PPFIA2: variants seen among roughly 807,000 people sequenced by gnomAD.
PPFIA2 encodes liprin-alpha-2.
A neutral mutation model predicts 175.5 loss-of-function variants in PPFIA2; 46 were observed. That is an observed-to-expected ratio of 0.26 (90% CI 0.21 to 0.34). PPFIA2 has a LOEUF of 0.34. Ranked by LOEUF, PPFIA2 falls within the 10% of genes least tolerant of loss-of-function variation. The probability of loss-of-function intolerance (pLI) is 1.00; values close to 1 mark genes in which losing one functional copy is unlikely to be tolerated. For synonymous variants in PPFIA2, 568 were observed against 511.4 expected (o/e 1.11, Z -1.49); for missense variants, 1,179 against 1,506.1 (o/e 0.78, Z 3.60).
chr12:81,417,568 T>C (rs954263608), intron 7 of PPFIA2, among the ~76,000 whole-genome samples: 2 of 151,624 alleles, frequency 1.3e-5, no homozygotes, highest in Non-Finnish European at 3.0e-5. Context: ...ATAAAAAGGA[T>C]TTATTCATTT....
chr12:81,475,237 G>C (rs1379029543), intron 4 of PPFIA2, among the ~76,000 whole-genome samples: 2 of 152,254 alleles, frequency 1.3e-5, no homozygotes, highest in Admixed American at 6.5e-5. Flanking sequence ...GCCTGAAATA[G>C]AGACTGTGTA....
At chr12:81,380,657 T>C (rs998307293) in intron 9 of PPFIA2, among the ~76,000 whole-genome samples, 1 of 152,146 alleles carries the variant, frequency 6.6e-6, no homozygotes, top group African/African-American at 2.4e-5. Flanking sequence ...CAGTTCATAG[T>C]GGAAGAAGCA....
intron 7 of PPFIA2, among the ~76,000 whole-genome samples, chr12:81,415,652 T>C (rs764214684): frequency 2.0e-5 from 3 of 150,428 alleles, no homozygotes; most frequent in Non-Finnish European, 4.5e-5. Flanking sequence ...GTAACTGGAA[T>C]GCAAAACTGT....
At chr12:81,720,421 G>C (rs1483428187) in intron 3 of PPFIA2, among the ~76,000 whole-genome samples, 1 of 151,334 alleles carries the variant, frequency 6.6e-6, no homozygotes, top group East Asian at 1.9e-4. Context: ...ACCTAAAATG[G>C]GTAGAATATA....
At chr12:81,391,859 T>G (rs934701006) in intron 8 of PPFIA2, among the ~76,000 whole-genome samples, 1 of 151,812 alleles carries the variant, frequency 6.6e-6, no homozygotes, top group Non-Finnish European at 1.5e-5. Flanking sequence ...CAAGTGGGTT[T>G]AGGATTTTCA....
chr12:81,315,582 G>C (rs1271678210), intron 22 of PPFIA2, among the ~76,000 whole-genome samples: 1 of 151,726 alleles, frequency 6.6e-6, no homozygotes, highest in African/African-American at 2.4e-5. Context: ...GCTTGAATTG[G>C]TAAGTTTGAA....
intron 3 of PPFIA2, among the ~76,000 whole-genome samples, chr12:81,736,856 C>T (rs1331271896): frequency 2.0e-5 from 3 of 151,936 alleles, no homozygotes; most frequent in Non-Finnish European, 2.9e-5. Flanking sequence ...GATTCTCTTG[C>T]CTCTGCCTCC....
At chr12:81,446,208 C>G (rs1213793025) in intron 5 of PPFIA2, among the ~76,000 whole-genome samples, 1 of 152,122 alleles carries the variant, frequency 6.6e-6, no homozygotes, top group Non-Finnish European at 1.5e-5. Flanking sequence ...CACAATTAGT[C>G]TTTAGATTAA....
chr12:81,667,793 C>T (rs946201861), intron 4 of PPFIA2, among the ~76,000 whole-genome samples: 1 of 151,904 alleles, frequency 6.6e-6, no homozygotes, highest in Non-Finnish European at 1.5e-5. Flanking sequence ...CAGTACAGCC[C>T]ACCACCAAAA....
chr12:81,525,121 G>C (rs954994649), intron 4 of PPFIA2, among the ~76,000 whole-genome samples: 5 of 152,112 alleles, frequency 3.3e-5, no homozygotes, highest in African/African-American at 1.2e-4. Context: ...CAACTCAAAA[G>C]GATTAAGACA....
intron 4 of PPFIA2, among the ~76,000 whole-genome samples, chr12:81,551,186 A>G (rs2067857783): frequency 6.6e-6 from 1 of 151,982 alleles, no homozygotes; most frequent in Non-Finnish European, 1.5e-5. Flanking sequence ...CTTACTTAGC[A>G]TGTAGCAGAT....
At chr12:81,591,404 C>A (rs551454990) in intron 4 of PPFIA2, among the ~76,000 whole-genome samples, 2 of 152,144 alleles carry the variant, frequency 1.3e-5, no homozygotes, top group Non-Finnish European at 1.5e-5. Flanking sequence ...AAATTCAAGC[C>A]GGCTGCAGGA....
chr12:81,712,928 T>C (rs897374062), intron 3 of PPFIA2, among the ~76,000 whole-genome samples: 4 of 151,080 alleles, frequency 2.6e-5, no homozygotes, highest in African/African-American at 9.7e-5. Context: ...CACTAAATAA[T>C]GAAAGCTTGC....
At chr12:81,746,137 T>A (rs143566446) in intron 3 of PPFIA2, among the ~76,000 whole-genome samples, 1 of 144,374 alleles carries the variant, frequency 6.9e-6, no homozygotes, top group Non-Finnish European at 1.6e-5. Context: ...ACTCCCACTT[T>A]AATATCTGGG....
At chr12:81,617,985 G>T (rs1177000146) in intron 4 of PPFIA2, among the ~76,000 whole-genome samples, 1 of 152,206 alleles carries the variant, frequency 6.6e-6, no homozygotes, top group Non-Finnish European at 1.5e-5. Context: ...AGGATAAAGG[G>T]ATTCGTGAGT....
intron 22 of PPFIA2, among the ~76,000 whole-genome samples, chr12:81,317,530 T>C (rs2052685037): frequency 2.0e-5 from 3 of 151,338 alleles, no homozygotes; most frequent in East Asian, 1.9e-4. Context: ...AAAAATGCAA[T>C]TGACTACATT....
At chr12:81,351,307 T>A (rs181935566) in intron 17 of PPFIA2, among the ~76,000 whole-genome samples, 95 of 152,306 alleles carry the variant, frequency 6.2e-4, no homozygotes, top group Admixed American at 1.3e-3. Flanking sequence ...TTAAATTATG[T>A]CTCACAGATA....
In PPFIA2 at chr12:81,412,861, A is replaced by G. The variant is rs77666452; in HGVS notation, c.646-6958T>C. ...GAATTGACTTCCACTTGCCTCTTCA[A>G]TTTTATCTTTCTATTCATATTGCGT... On this transcript the variant is annotated intron_variant, in intron 7 of 32. Coordinates refer to ENST00000549396, the MANE Select transcript of PPFIA2 (RefSeq NM_003625.5). Among the ~76,000 whole-genome samples the G allele has an allele frequency of 2.6e-5, 4 of 152,034 alleles. No individual in the cohort carries two copies. The East Asian group carries it at 5.8e-4, about 22-fold the overall frequency.
chr12:81,752,040 G>T (rs529159843), intron 3 of PPFIA2, among the ~76,000 whole-genome samples: 105 of 152,256 alleles, frequency 6.9e-4, no homozygotes, highest in Admixed American at 1.5e-3. Flanking sequence ...ATGTAAGAGG[G>T]ATTCATGCAG....
Sources: gnomAD v4.1 joint callset for allele counts (sites outside exome capture counted in the v4.1 genomes callset) on GRCh38, gnomAD v4.1.1 for gene constraint, MANE v1.5 for transcripts, NCBI Gene and HGNC (gene_info 2026-07-23, HGNC 2026-07-21) for gene names.